MAPT: variants seen among roughly 807,000 people sequenced by gnomAD.
The protein encoded by MAPT is microtubule-associated protein tau.
A neutral mutation model predicts 67.9 loss-of-function variants in MAPT; 34 were observed. That is an observed-to-expected ratio of 0.50 (90% confidence interval 0.38 to 0.67). MAPT has a LOEUF of 0.67. MAPT is among the 30% of genes least tolerant of loss of function. The pLI is 0.00. For synonymous variants in MAPT, 456 were observed against 464.5 expected, an observed-to-expected ratio of 0.98 and a Z score of 0.23; for missense variants, 881 against 1,115.2, an observed-to-expected ratio of 0.79 and a Z score of 2.99.
At chr17:45,955,723 T>G (rs1598135303) in intron 1 of MAPT, among the ~76,000 whole-genome samples, 1 of 149,494 alleles carries the variant, frequency 6.7e-6, no homozygotes, top group Non-Finnish European at 1.5e-5. Context: ...GCACAAACAC[T>G]CCTTCCTTTT....
At chr17:45,904,012 A>ATTATATATTATATAT in intron 1 of MAPT, among the ~76,000 whole-genome samples, 1 of 9,092 alleles carries the variant, frequency 1.1e-4, no homozygotes, top group African/African-American at 4.3e-4. Context: ...TATTATATAT[A>ATTATATATTATATAT]TTATATATTA....
intron 9 of MAPT, among the ~76,000 whole-genome samples, chr17:46,004,927 GT>G (rs1231073609): frequency 1.3e-5 from 2 of 152,100 alleles, no homozygotes; most frequent in Non-Finnish European, 2.9e-5. Flanking sequence ...GGGACTGCAG[GT>G]GCCCGCCACC....
In MAPT at chr17:45,983,677, G is replaced by C; in HGVS notation, c.1098G>C (p.Arg366=). ...ASEPDGPSVG[R]AKGQDAPLEF... Reference sequence around the variant, plus strand: ...AGCCCGACGGGCCCAGTGTAGGGCGGGCCAAAGGGCAGGATGCCCCCCTGG... The same window carrying C: ...AGCCCGACGGGCCCAGTGTAGGGCGCGCCAAAGGGCAGGATGCCCCCCTGG... Residue 366 remains arginine, a synonymous_variant, in exon 5 of 13, where the codon CGG becomes CGC. Transcript: ENST00000262410. 6.2e-7 allele frequency: 1 copy of C among 1,614,062 alleles called. No individual in the cohort carries two copies. Among genetic ancestry groups the C allele is most frequent in the Non-Finnish European group, 8.5e-7 (1 of 1,179,998 alleles).
intron 1 of MAPT, among the ~76,000 whole-genome samples, chr17:45,913,250 G>C (rs183930286): frequency 5.8e-4 from 89 of 152,360 alleles, no homozygotes; most frequent in Admixed American, 1.2e-3. Context: ...GACAGGGAGA[G>C]AGAGCTTGTG....
intron 1 of MAPT, among the ~76,000 whole-genome samples, chr17:45,916,072 C>T (rs1004544054): frequency 7.9e-5 from 12 of 152,182 alleles, no homozygotes; most frequent in Non-Finnish European, 1.2e-4. Flanking sequence ...TGGTGGTCTC[C>T]GGTTCCTCCA....
At chr17:46,023,827 C>T in intron 12 of MAPT, 129 bp from the exon 13 acceptor site, 1 of 776,982 alleles carries the variant, frequency 1.3e-6, no homozygotes, top group Non-Finnish European at 2.2e-6. Context: ...GGCGATAGAG[C>T]AAGACCCTGT....
intron 1 of MAPT, among the ~76,000 whole-genome samples, chr17:45,959,674 G>A (rs965143723): frequency 2.0e-5 from 3 of 152,190 alleles, no homozygotes; most frequent in South Asian, 2.1e-4. Context: ...CCAGCTACTC[G>A]GGAGGCTGAG....
At chr17:45,970,223 A>G (rs999268041) in intron 2 of MAPT, among the ~76,000 whole-genome samples, 14 of 152,184 alleles carry the variant, frequency 9.2e-5, no homozygotes, top group Non-Finnish European at 1.5e-5. Context: ...TCTACATCCA[A>G]TTATACCTCC....
At chr17:46,020,476 C>T (rs537809227) in intron 12 of MAPT, among the ~76,000 whole-genome samples, 2 of 152,330 alleles carry the variant, frequency 1.3e-5, no homozygotes, top group Non-Finnish European at 2.9e-5. Flanking sequence ...CAGGGTCTCC[C>T]AGCAGCTGAC....
intron 1 of MAPT, among the ~76,000 whole-genome samples, chr17:45,917,681 A>G (rs1296523851): frequency 6.6e-6 from 1 of 152,122 alleles, no homozygotes; most frequent in Non-Finnish European, 1.5e-5. Flanking sequence ...TCCCAATGAC[A>G]AATGCTGTAT....
At chr17:46,012,333 G>A (rs538332354) in intron 10 of MAPT, among the ~76,000 whole-genome samples, 379 of 152,160 alleles carry the variant, frequency 2.5e-3, no homozygotes, top group Middle Eastern at 0.014. Context: ...GTTCATCTGC[G>A]GGCTAGCCTG....
At chr17:46,000,544 G>GGAGCA (rs1265719029) in intron 9 of MAPT, among the ~76,000 whole-genome samples, 1 of 152,084 alleles carries the variant, frequency 6.6e-6, no homozygotes, top group Non-Finnish European at 1.5e-5. Context: ...ACTGTAAAAG[G>GGAGCA]GAGCACCTGG....
At chr17:45,926,950 T>C (rs1270483766) in intron 1 of MAPT, among the ~76,000 whole-genome samples, 2 of 108,092 alleles carry the variant, frequency 1.9e-5, no homozygotes, top group African/African-American at 2.7e-5. Flanking sequence ...TATATATACA[T>C]ATATGTGTAT....
intron 9 of MAPT, among the ~76,000 whole-genome samples, chr17:45,999,877 A>C (rs534170254): frequency 6.6e-6 from 1 of 152,350 alleles, no homozygotes; most frequent in African/African-American, 2.4e-5. Context: ...ACTAAACCTC[A>C]GCCATAACAA....
intron 12 of MAPT, among the ~76,000 whole-genome samples, chr17:46,023,611 G>A (rs1019458706): frequency 3.3e-5 from 5 of 152,200 alleles, no homozygotes; most frequent in Admixed American, 2.0e-4. Flanking sequence ...AGGCTGAGGC[G>A]GGCAGATTGC....
At chr17:45,986,876 C>T (rs2073600753) in intron 5 of MAPT, among the ~76,000 whole-genome samples, 164 bp from the exon 6 acceptor site, 2 of 152,294 alleles carry the variant, frequency 1.3e-5, no homozygotes, top group Non-Finnish European at 2.9e-5. Flanking sequence ...ACTAACAATG[C>T]GAGGCCTAGC....
At chr17:46,022,184 A>T (rs1311134787) in intron 12 of MAPT, among the ~76,000 whole-genome samples, 1 of 151,870 alleles carries the variant, frequency 6.6e-6, no homozygotes, top group African/African-American at 2.4e-5. Context: ...GCCAAATCCC[A>T]TCTCTACAAA....
At chr17:46,000,515 G>A (rs1237930313) in intron 9 of MAPT, among the ~76,000 whole-genome samples, 1 of 152,168 alleles carries the variant, frequency 6.6e-6, no homozygotes, top group Non-Finnish European at 1.5e-5. Flanking sequence ...GGAGTCGTGG[G>A]TGGCAGTGTT....
Position 45,996,601 on chromosome 17 carries a change from G to A in MAPT, c.1935G>A (p.Leu645=). The A allele has an allele frequency of 6.2e-7, 1 of 1,613,932 alleles. No individual in the cohort carries two copies. The highest frequency in any genetic ancestry group is 8.5e-7 in the Non-Finnish European group (1 of 1,179,930). The change falls in exon 9 of 13, where the codon CTG becomes CTA. Residue 645 remains leucine (L), a synonymous_variant. Coordinates refer to ENST00000262410, the MANE Select transcript of MAPT (RefSeq NM_001377265.1). This position sits in a 1 kb window ranked among gnomAD's most constrained non-coding sequence, Gnocchi z 4.5. ...CAGCCCCCGTGCCCATGCCAGACCT[G>A]AAGAATGTCAAGTCCAAGATCGGCT... ...LQTAPVPMPD[L]KNVKSKIGST...
Sources: gnomAD v4.1 joint callset for allele counts (sites outside exome capture counted in the v4.1 genomes callset) on GRCh38, gnomAD v4.1.1 for gene constraint, Gnocchi (gnomAD v3.1) non-coding constraint, MANE v1.5 for transcripts, NCBI Gene and HGNC (gene_info 2026-07-23, HGNC 2026-07-21) for gene names.